STAT5B: variants seen among roughly 807,000 people sequenced by gnomAD.
The protein encoded by STAT5B is transcription factor STAT5B.
In STAT5B, 21 loss-of-function variants were observed where a neutral mutation model predicts 107.8. The observed-to-expected ratio is 0.19, with a 90% CI of 0.14 to 0.28. The LOEUF (loss-of-function observed/expected upper bound fraction) is 0.28, where lower values mean the gene tolerates loss of function less well. STAT5B is among the 10% of genes least tolerant of loss of function. STAT5B has a pLI of 1.00. For synonymous variants in STAT5B, 325 were observed against 401.7 expected (o/e 0.81, Z 2.28); for missense variants, 565 against 1,008.2 (o/e 0.56, Z 5.95).
chr17:42,234,257 G>A (rs888381720), intron 1 of STAT5B: 6 of 152,164 alleles, frequency 3.9e-5, no homozygotes, highest in Admixed American at 6.5e-5. Flanking sequence ...ATGAGGTGTA[G>A]GGGAGTGCCA....
chr17:42,285,607 C>T, the STAT5B span, among the ~76,000 whole-genome samples: 11 of 152,198 alleles, frequency 7.2e-5, no homozygotes, highest in African/African-American at 2.7e-4. Context: ...CACCAGGGCA[C>T]TTTGTGGTGG....
intron 1 of STAT5B, chr17:42,270,651 C>T (rs1208631056): frequency 6.6e-6 from 1 of 152,110 alleles, no homozygotes; most frequent in Non-Finnish European, 1.5e-5. Flanking sequence ...TATTCAAAAA[C>T]CAACGAGACT....
chr17:42,276,544 G>C, upstream of STAT5B: 1 of 151,362 alleles, frequency 6.6e-6, no homozygotes, highest in East Asian at 2.0e-4. This position sits in a 1 kb window ranked among gnomAD's most constrained non-coding sequence, Gnocchi z 4.8. Flanking sequence ...CCCCCTCCGC[G>C]ACCGCCCTTG....
At chr17:42,263,364 A>G (rs2080635049) in intron 1 of STAT5B, among the ~76,000 whole-genome samples, 2 of 152,112 alleles carry the variant, frequency 1.3e-5, no homozygotes, top group Admixed American at 1.3e-4. Flanking sequence ...AAAAATTAAC[A>G]AAAACATCAC....
At chr17:42,262,797 T>C (rs1174763381) in intron 1 of STAT5B, among the ~76,000 whole-genome samples, 4 of 106,998 alleles carry the variant, frequency 3.7e-5, no homozygotes, top group Non-Finnish European at 7.4e-5. Flanking sequence ...CACATATATA[T>C]GTGTGTATAT....
chr17:42,253,855 T>G (rs1046498032), intron 1 of STAT5B, among the ~76,000 whole-genome samples: 4 of 152,156 alleles, frequency 2.6e-5, no homozygotes, highest in African/African-American at 9.7e-5. Flanking sequence ...TTTGGATAAT[T>G]TCTCATTGTC....
upstream of STAT5B, chr17:42,276,520 C>G (rs903976446): frequency 6.6e-6 from 1 of 151,134 alleles, no homozygotes; most frequent in South Asian, 2.1e-4. The surrounding 1 kb of genome is among the most constrained non-coding windows in gnomAD (Gnocchi z 4.8). Context: ...CTCGCTAGCC[C>G]GCTGTCCCTC....
chr17:42,264,314 G>A (rs1367667996), intron 1 of STAT5B, among the ~76,000 whole-genome samples: 3 of 150,612 alleles, frequency 2.0e-5, no homozygotes, highest in African/African-American at 7.3e-5. Context: ...CCACTAACTC[G>A]TCATCTGGCA....
chr17:42,222,985 G>A (rs527274733), intron 5 of STAT5B, among the ~76,000 whole-genome samples: 1 of 152,132 alleles, frequency 6.6e-6, no homozygotes, highest in African/African-American at 2.4e-5. Flanking sequence ...TGCCCAGCCA[G>A]AAAAATTTTT....
chr17:42,222,000 T>A (rs1396679472), intron 5 of STAT5B, among the ~76,000 whole-genome samples: 2 of 133,516 alleles, frequency 1.5e-5, no homozygotes, highest in Non-Finnish European at 3.1e-5. Flanking sequence ...TGGTGTGGTG[T>A]GTGTGTGCTG....
intron 1 of STAT5B, among the ~76,000 whole-genome samples, chr17:42,263,016 A>ATATATATATAT (rs1567677432): frequency 1.7e-4 from 4 of 22,896 alleles, no homozygotes; most frequent in Non-Finnish European, 2.9e-4. Flanking sequence ...ATATATATAT[A>ATATATATATAT]AAAAAACAAA....
Position 42,223,448 on chromosome 17 carries a change from A to G in STAT5B, c.484T>C (p.Leu162=), listed in dbSNP as rs2080246815. 1 of 1,613,672 alleles carries G rather than the reference A, an allele frequency of 6.2e-7. No homozygotes were observed. The highest frequency in any genetic ancestry group is 8.5e-7 in the Non-Finnish European group (1 of 1,179,962). The change falls in exon 5 of 19, where the codon TTA becomes CTA. Residue 162 remains leucine (L), a synonymous_variant. Transcript: ENST00000293328. The part of the protein sequence containing the change: ...RLVTQDTENE[L]KKLQQTQEYF... ...TCCTGAGTCTGCTGCAGCTTTTTTA[A>G]CTCATTCTCTGTGTCCTGCGTGACC... is the stretch of plus-strand genomic sequence containing the variant.
At chr17:42,217,629 G>C (rs2080183523) in intron 9 of STAT5B, 165 bp from the exon 10 acceptor site, 3 of 707,802 alleles carry the variant, frequency 4.2e-6, no homozygotes, top group East Asian at 5.5e-5. Flanking sequence ...CTTCTCGGAC[G>C]TATCTCTACA....
chr17:42,227,448 T>A, intron 3 of STAT5B, 81 bp downstream of exon 3: 1 of 1,598,228 alleles, frequency 6.3e-7, no homozygotes. Flanking sequence ...AATGCTGGAC[T>A]GAAGGAGAGA....
At chr17:42,216,243 A>C in intron 11 of STAT5B, 137 bp from the exon 12 acceptor site, 1 of 739,182 alleles carries the variant, frequency 1.4e-6, no homozygotes, top group South Asian at 1.6e-5. Context: ...CAGAATCTAA[A>C]TGGCCCCAGG....
intron 1 of STAT5B, chr17:42,234,550 A>G (rs1187803379): frequency 1.3e-5 from 2 of 152,198 alleles, no homozygotes; most frequent in Admixed American, 1.3e-4. Flanking sequence ...CCAAATCATG[A>G]TTTTTGGATG....
At chr17:42,277,832 G>A (rs556044436), upstream of STAT5B, among the ~76,000 whole-genome samples, 7 of 149,528 alleles carry the variant, frequency 4.7e-5, no homozygotes, top group South Asian at 2.1e-4. Context: ...CTCAGCTCAC[G>A]GCAACCTCCA....
intron 4 of STAT5B, among the ~76,000 whole-genome samples, chr17:42,224,465 G>A (rs538716490): frequency 2.0e-5 from 3 of 151,476 alleles, no homozygotes; most frequent in Non-Finnish European, 4.4e-5. Flanking sequence ...TCAGGTTTTC[G>A]AACAGCCAGG....
rs3222522 is a variant in STAT5B, at chr17:42,263,871, G to GCACACACACA, written c.-11+12367_-11+12376dup. Among the ~76,000 whole-genome samples the GCACACACACA allele has an allele frequency of 3.0e-3, 439 of 145,018 alleles. 1 individual carries two copies. Among genetic ancestry groups the GCACACACACA allele is most frequent in the East Asian group, 0.012 (57 of 4,934 alleles). On this transcript the variant is annotated intron_variant, in intron 1 of 18. Coordinates refer to ENST00000293328, the MANE Select transcript of STAT5B (RefSeq NM_012448.4). Reference sequence around the variant, plus strand: ...AAAATGGAAAGATACTAGAAAGCGCGCACACACACACACACACACACACAC... The same window carrying GCACACACACA: ...AAAATGGAAAGATACTAGAAAGCGCGCACACACACACACACACACACACACACACACACAC...
Sources: gnomAD v4.1 joint callset for allele counts (sites outside exome capture counted in the v4.1 genomes callset) on GRCh38, gnomAD v4.1.1 for gene constraint, Gnocchi (gnomAD v3.1) non-coding constraint, MANE v1.5 for transcripts, NCBI Gene and HGNC (gene_info 2026-07-23, HGNC 2026-07-21) for gene names.